C1orf87: variants seen among roughly 807,000 people sequenced by gnomAD.
C1orf87 encodes the protein chromosome 1 open reading frame 87.
A neutral mutation model predicts 60.5 loss-of-function variants in C1orf87; 58 were observed. That is an observed-to-expected ratio of 0.96 (90% confidence interval 0.78 to 1.19). The LOEUF (loss-of-function observed/expected upper bound fraction) is 1.19. Among genes scored for constraint, C1orf87 ranks in the 50% most tolerant of loss-of-function variants. C1orf87 has a pLI of 0.00. For synonymous variants in C1orf87, 236 were observed against 227.4 expected (o/e 1.04, Z -0.34); for missense variants, 673 against 638.6 (o/e 1.05, Z -0.58).
intron 4 of C1orf87, 37 bp from the exon 5 acceptor site, chr1:60,040,217 C>A: frequency 6.3e-7 from 1 of 1,580,862 alleles, no homozygotes; most frequent in Non-Finnish European, 8.6e-7. Context: ...CAAGACTCTT[C>A]AATCAGCCGG....
At chr1:60,051,967 G>A (rs1252647499) in intron 3 of C1orf87, among the ~76,000 whole-genome samples, 2 of 152,112 alleles carry the variant, frequency 1.3e-5, no homozygotes, top group African/African-American at 4.8e-5. Flanking sequence ...AAGATCAAAG[G>A]CTCTGCCTTG....
chr1:59,993,973 G>T (rs554097377), intron 11 of C1orf87, among the ~76,000 whole-genome samples: 1 of 152,084 alleles, frequency 6.6e-6, no homozygotes, highest in Non-Finnish European at 1.5e-5. Flanking sequence ...TGGCCAGGCT[G>T]GTCTCGAACT....
chr1:60,008,853 C>T, intron 9 of C1orf87: 1 of 357,182 alleles, frequency 2.8e-6, no homozygotes, highest in Non-Finnish European at 5.5e-6. Context: ...TGTATGGAAT[C>T]CCCTCTGAAA....
intron 7 of C1orf87, among the ~76,000 whole-genome samples, chr1:60,031,981 AAC>A (rs56139918): frequency 0.019 from 2,777 of 149,220 alleles, 82 homozygotes; most frequent in African/African-American, 0.06. Flanking sequence ...ATAATATTCA[AAC>A]ACACACACAC....
intron 7 of C1orf87, among the ~76,000 whole-genome samples, chr1:60,030,174 C>T (rs557548611): frequency 6.6e-6 from 1 of 152,238 alleles, no homozygotes; most frequent in African/African-American, 2.4e-5. Context: ...TCCTCAGTGC[C>T]TACCACAATG....
intron 7 of C1orf87, among the ~76,000 whole-genome samples, chr1:60,026,023 T>A (rs1317909620): frequency 6.6e-6 from 1 of 152,154 alleles, no homozygotes; most frequent in Non-Finnish European, 1.5e-5. Flanking sequence ...GATGCTCAGA[T>A]AAATAGTTAT....
At chr1:60,031,999 C>CAT (rs1645241055) in intron 7 of C1orf87, among the ~76,000 whole-genome samples, 1 of 148,678 alleles carries the variant, frequency 6.7e-6, no homozygotes, top group Non-Finnish European at 1.5e-5. Flanking sequence ...CACACACACA[C>CAT]ACACATACAC....
intron 6 of C1orf87, among the ~76,000 whole-genome samples, chr1:60,036,424 C>G (rs932551463): frequency 6.6e-6 from 1 of 152,158 alleles, no homozygotes; most frequent in Non-Finnish European, 1.5e-5. Context: ...TAGCTCTTAA[C>G]CACCATGCCA....
At chr1:60,058,957 T>C (rs886608848) in intron 2 of C1orf87, among the ~76,000 whole-genome samples, 4 of 152,226 alleles carry the variant, frequency 2.6e-5, no homozygotes, top group African/African-American at 9.6e-5. Context: ...GAAATCCTTT[T>C]GTGGGCAGTG....
intron 2 of C1orf87, among the ~76,000 whole-genome samples, chr1:60,066,179 C>A (rs1557482692): frequency 6.6e-6 from 1 of 152,072 alleles, no homozygotes; most frequent in Non-Finnish European, 1.5e-5. Context: ...AGTGGTTGTG[C>A]AATTTCTTAA....
chr1:60,042,184 A>G (rs1645330173), intron 3 of C1orf87, among the ~76,000 whole-genome samples: 1 of 152,190 alleles, frequency 6.6e-6, no homozygotes, highest in Non-Finnish European at 1.5e-5. Context: ...ATATCTGATT[A>G]AAACAAAAAC....
chr1:60,057,337 A>G (rs1209857290), intron 2 of C1orf87, among the ~76,000 whole-genome samples: 2 of 152,182 alleles, frequency 1.3e-5, no homozygotes, highest in African/African-American at 4.8e-5. Flanking sequence ...TGAAGAAAGA[A>G]GGGGGACAAG....
intron 3 of C1orf87, among the ~76,000 whole-genome samples, chr1:60,044,023 T>C (rs140081810): frequency 1.0e-3 from 158 of 152,260 alleles, no homozygotes; most frequent in African/African-American, 3.7e-3. Context: ...GTCTTTTTGT[T>C]TGTTTGTTTT....
At chr1:60,004,347 T>C (rs545676203) in intron 9 of C1orf87, among the ~76,000 whole-genome samples, 8 of 152,200 alleles carry the variant, frequency 5.3e-5, no homozygotes, top group Admixed American at 4.6e-4. Flanking sequence ...CAAGGTATTA[T>C]TATCTGTTGT....
intron 1 of C1orf87, among the ~76,000 whole-genome samples, 185 bp downstream of exon 1, chr1:60,073,505 T>C (rs185111871): frequency 6.6e-4 from 101 of 152,140 alleles, no homozygotes; most frequent in African/African-American, 2.3e-3. Flanking sequence ...TAGGCCAGGG[T>C]TCTTCCCAAA....
At chr1:60,007,325 C>T (rs1256456957) in intron 9 of C1orf87, among the ~76,000 whole-genome samples, 1 of 152,084 alleles carries the variant, frequency 6.6e-6, no homozygotes, top group Non-Finnish European at 1.5e-5. Context: ...AATGTCTAAT[C>T]TGTTAAACCC....
At chr1:59,990,936 C>T (rs2100227086) in intron 11 of C1orf87, 103 bp from the exon 12 acceptor site, 1 of 1,162,684 alleles carries the variant, frequency 8.6e-7, no homozygotes, top group Non-Finnish European at 1.2e-6. Flanking sequence ...AGACTAAATG[C>T]TAATACTTTG....
chr1:60,038,040 G>A lies in C1orf87; in HGVS notation c.815C>T (p.Ala272Val), dbSNP rs144642485. The A allele has an allele frequency of 1.3e-5, 21 of 1,610,462 alleles. No homozygotes were observed. In the African/African-American group the frequency reaches 2.8e-4, roughly 22 times the overall value. Residue 272 changes from alanine (A) to valine (V), a missense_variant, in exon 6 of 12, where the codon GCA becomes GTA. Transcript: ENST00000371201. Reference protein sequence around the residue: ...AASDYPQQNKAAADLRKTESH... With the variant: ...AASDYPQQNKVAADLRKTESH... ...CTCAGTTTTTCTCAGGTCTGCAGCT[G>A]CTTTATTTTGCTGTGGATAATCTGA...
At chr1:60,029,789 C>A (rs545225953) in intron 7 of C1orf87, among the ~76,000 whole-genome samples, 1 of 151,792 alleles carries the variant, frequency 6.6e-6, no homozygotes, top group African/African-American at 2.4e-5. Flanking sequence ...TACAGGCATG[C>A]GCCACCATGC....
Sources: gnomAD v4.1 joint callset for allele counts (sites outside exome capture counted in the v4.1 genomes callset) on GRCh38, gnomAD v4.1.1 for gene constraint, MANE v1.5 for transcripts, NCBI Gene and HGNC (gene_info 2026-07-23, HGNC 2026-07-21) for gene names.